Variants in PRKCA observed in about 807,000 individuals in gnomAD.
PRKCA encodes the protein protein kinase C alpha.
PRKCA carries 27 observed loss-of-function variants against 87.0 expected under a neutral mutation model. The ratio of observed to expected loss-of-function variants is 0.31; its 90% CI spans 0.23 to 0.43. PRKCA has a LOEUF of 0.43. Ranked by LOEUF, PRKCA falls within the 20% of genes least tolerant of loss-of-function variation. The probability of loss-of-function intolerance (pLI) is 1.00; values close to 1 mark genes in which losing one functional copy is unlikely to be tolerated. For missense variants in PRKCA, 518 were observed against 852.3 expected, an observed-to-expected ratio of 0.61 and a Z score of 4.88; for synonymous variants, 329 against 311.1, an observed-to-expected ratio of 1.06 and a Z score of -0.61.
intron 3 of PRKCA, among the ~76,000 whole-genome samples, chr17:66,511,546 G>C (rs1369717255): frequency 6.6e-6 from 1 of 152,094 alleles, no homozygotes; most frequent in African/African-American, 2.4e-5. Context: ...AACTAGACGG[G>C]GAAGAAAAAT....
chr17:66,702,625 T>C (rs1005684062), intron 8 of PRKCA, among the ~76,000 whole-genome samples: 8 of 152,212 alleles, frequency 5.3e-5, no homozygotes, highest in African/African-American at 1.9e-4. Context: ...TTAATTAGTT[T>C]GATTGTAGTA....
intron 2 of PRKCA, among the ~76,000 whole-genome samples, chr17:66,387,530 T>C (rs1462237646): frequency 1.3e-5 from 2 of 152,212 alleles, no homozygotes; most frequent in Non-Finnish European, 2.9e-5. Flanking sequence ...AAAAGGAGCC[T>C]TTCATCTTGC....
At chr17:66,537,433 G>A (rs955208170) in intron 3 of PRKCA, among the ~76,000 whole-genome samples, 1 of 152,196 alleles carries the variant, frequency 6.6e-6, no homozygotes, top group Non-Finnish European at 1.5e-5. Context: ...TAAACGCCAA[G>A]TGTTCTTTGT....
At chr17:66,800,347 G>A (rs1975871361) in intron 16 of PRKCA, among the ~76,000 whole-genome samples, 1 of 152,194 alleles carries the variant, frequency 6.6e-6, no homozygotes, top group South Asian at 2.1e-4. Flanking sequence ...GTTGATCTAG[G>A]CTCCACAACT....
intron 14 of PRKCA, among the ~76,000 whole-genome samples, chr17:66,776,973 G>A (rs1598935145): frequency 3.3e-5 from 5 of 152,198 alleles, no homozygotes; most frequent in Admixed American, 2.0e-4. Flanking sequence ...CTTTTCATGC[G>A]CGTGCTTGAG....
intron 2 of PRKCA, among the ~76,000 whole-genome samples, chr17:66,339,150 A>G (rs1226657827): frequency 6.6e-6 from 1 of 152,198 alleles, no homozygotes; most frequent in Non-Finnish European, 1.5e-5. Flanking sequence ...AGTATCAACC[A>G]AGAGATAGAG....
chr17:66,354,688 C>T (rs1907946768), intron 2 of PRKCA, among the ~76,000 whole-genome samples: 1 of 152,144 alleles, frequency 6.6e-6, no homozygotes, highest in African/African-American at 2.4e-5. Flanking sequence ...AGTTTAAGCT[C>T]TTCCCTCTTA....
intron 5 of PRKCA, among the ~76,000 whole-genome samples, chr17:66,666,646 T>G (rs1972049958): frequency 6.6e-6 from 1 of 152,228 alleles, no homozygotes; most frequent in South Asian, 2.1e-4. Context: ...TGGCTCCAAA[T>G]TTCAACAGAT....
chr17:66,660,119 CA>C (rs755809575), intron 5 of PRKCA, among the ~76,000 whole-genome samples: 3,774 of 138,618 alleles, frequency 0.027, 148 homozygotes, highest in African/African-American at 0.091. Context: ...TAGGGATCAA[CA>C]AAAAAAAAAA....
intron 2 of PRKCA, among the ~76,000 whole-genome samples, chr17:66,307,679 A>C (rs990350072): frequency 2.0e-5 from 3 of 152,110 alleles, no homozygotes; most frequent in African/African-American, 7.2e-5. Flanking sequence ...CAGTGGCCGT[A>C]TTACTAGGCT....
rs544483641 is a variant in PRKCA, at chr17:66,567,492, G to A, written c.288+71209G>A. Among the ~76,000 whole-genome samples, 11 of 152,290 alleles carry A rather than the reference G, an allele frequency of 7.2e-5. No individual in the cohort carries two copies. In the South Asian group the frequency reaches 2.1e-3, roughly 29 times the overall value. ...CCAGGCCACAGGCAGGTCTGTCTCC[G>A]AGGCTATGCCTTGTACCAGCCCTTG... is the stretch of plus-strand genomic sequence containing the variant. On this transcript the variant is annotated intron_variant, in intron 3 of 16. Coordinates refer to ENST00000413366, the MANE Select transcript of PRKCA (RefSeq NM_002737.3).
intron 8 of PRKCA, among the ~76,000 whole-genome samples, chr17:66,718,147 T>A (rs940160334): frequency 1.3e-5 from 2 of 151,694 alleles, no homozygotes; most frequent in African/African-American, 4.8e-5. Flanking sequence ...CTGCATGGCT[T>A]ACAAACTGCA....
In PRKCA at chr17:66,587,887, GTGTGTGTGTATATATATA is replaced by G. The variant is rs1162034017; in HGVS notation, c.289-53466_289-53449del. ...CATATGTATGTGTGTGTGTGTGTGT[GTGTGTGTGTATATATATA>G]TATATATATATATATATATATATAT... On this transcript the variant is annotated intron_variant, in intron 3 of 16. Coordinates refer to ENST00000413366, the MANE Select transcript of PRKCA (RefSeq NM_002737.3). Among the ~76,000 whole-genome samples the G allele has an allele frequency of 6.1e-5, 6 of 99,012 alleles. 1 individual carries two copies. Among genetic ancestry groups the G allele is most frequent in the African/African-American group, 1.4e-4 (3 of 20,878 alleles). 65.0% of individuals were successfully genotyped at this position (99,012 alleles called of 152,430 possible). A position where few individuals can be genotyped will look rare whatever the true frequency, so the allele number is the denominator to read the frequency against.
At chr17:66,329,781 G>A (rs1479130944) in intron 2 of PRKCA, among the ~76,000 whole-genome samples, 7 of 152,166 alleles carry the variant, frequency 4.6e-5, no homozygotes, top group Non-Finnish European at 1.0e-4. Context: ...AGCCATCTGA[G>A]CAGTAATTCC....
At chr17:66,388,050 A>G (rs918482731) in intron 2 of PRKCA, among the ~76,000 whole-genome samples, 1 of 152,144 alleles carries the variant, frequency 6.6e-6, no homozygotes, top group Non-Finnish European at 1.5e-5. Flanking sequence ...CAGCTTCAAC[A>G]TAGCAGAGCG....
At position 66,650,890 on chromosome 17, in the gene PRKCA, C is replaced by T. The variant is rs138225308; in HGVS notation, c.529+5379C>T. Among the ~76,000 whole-genome samples the T allele has an allele frequency of 4.9e-3, 750 of 152,244 alleles. 6 individuals carry two copies. Among genetic ancestry groups the T allele is most frequent in the African/African-American group, 0.017 (698 of 41,532 alleles). On this transcript the variant is annotated intron_variant, in intron 5 of 16. Transcript: ENST00000413366. ...TTTTTTGCTTCACCCATTGATCATA[C>T]ATTATTGAGCGTGTGTCCTGCTCTC...
intron 3 of PRKCA, among the ~76,000 whole-genome samples, chr17:66,497,639 G>T (rs1453561205): frequency 1.3e-5 from 2 of 152,194 alleles, no homozygotes; most frequent in Non-Finnish European, 2.9e-5. Context: ...TAGAAGGGTA[G>T]ACATTTCTGT....
At chr17:66,389,514 G>A (rs1003586603) in intron 2 of PRKCA, among the ~76,000 whole-genome samples, 3 of 152,170 alleles carry the variant, frequency 2.0e-5, no homozygotes, top group Non-Finnish European at 2.9e-5. Context: ...AAAATATGCC[G>A]GAAGTATCTG....
At chr17:66,306,224 AAAT>A in intron 2 of PRKCA, 97 bp downstream of exon 2, 2 of 1,340,266 alleles carry the variant, frequency 1.5e-6, no homozygotes, top group Non-Finnish European at 2.1e-6. Context: ...TCCAATAAAA[AAAT>A]GTTATTTAGA....
Sources: gnomAD v4.1 joint callset for allele counts (sites outside exome capture counted in the v4.1 genomes callset) on GRCh38, gnomAD v4.1.1 for gene constraint, MANE v1.5 for transcripts, NCBI Gene and HGNC (gene_info 2026-07-23, HGNC 2026-07-21) for gene names.